RUNX1: variants seen among roughly 807,000 people sequenced by gnomAD.
The protein encoded by RUNX1 is runt-related transcription factor 1.
Under a neutral mutation model 42.8 loss-of-function variants are expected in RUNX1, and 19 were observed. The ratio of observed to expected loss-of-function variants is 0.44; its 90% CI spans 0.31 to 0.65. The LOEUF is 0.65. RUNX1 is among the 30% of genes least tolerant of loss of function. The probability of loss-of-function intolerance (pLI) is 0.07; values close to 1 mark genes in which losing one functional copy is unlikely to be tolerated. For synonymous variants in RUNX1, 271 were observed against 289.4 expected (o/e 0.94, Z 0.64); for missense variants, 528 against 672.0 (o/e 0.79, Z 2.37).
chr21:34,827,715 T>C (rs1408905095), intron 7 of RUNX1, among the ~76,000 whole-genome samples: 1 of 152,144 alleles, frequency 6.6e-6, no homozygotes, highest in Non-Finnish European at 1.5e-5. Flanking sequence ...CAGCTGTGGC[T>C]TCAGTGGGCC....
intron 2 of RUNX1, among the ~76,000 whole-genome samples, chr21:35,028,423 T>C (rs1047246332): frequency 1.3e-5 from 2 of 152,244 alleles, no homozygotes; most frequent in African/African-American, 4.8e-5. Flanking sequence ...AGTGACTTCC[T>C]CACTGCCCTC....
intron 7 of RUNX1, among the ~76,000 whole-genome samples, chr21:34,806,938 T>C (rs1333789133): frequency 2.6e-5 from 4 of 152,050 alleles, no homozygotes; most frequent in Non-Finnish European, 4.4e-5. Context: ...ATACAACTTA[T>C]TACAATTTTT....
At chr21:35,016,734 G>T (rs1444554375) in intron 2 of RUNX1, among the ~76,000 whole-genome samples, 1 of 152,116 alleles carries the variant, frequency 6.6e-6, no homozygotes, top group East Asian at 1.9e-4. Flanking sequence ...AGACAGGAAT[G>T]CTGGGGACCT....
chr21:34,895,055 C>T (rs1021449491), intron 2 of RUNX1, among the ~76,000 whole-genome samples: 2 of 151,960 alleles, frequency 1.3e-5, no homozygotes, highest in Non-Finnish European at 2.9e-5. Flanking sequence ...TCACTTTTAT[C>T]CCCCCCGTCT....
Position 34,904,734 on chromosome 21 carries a change from G to A in RUNX1, c.59-11771C>T, listed in dbSNP as rs185502088. Among the ~76,000 whole-genome samples the A allele has an allele frequency of 2.3e-3, 345 of 152,196 alleles. 2 individuals are homozygous for A. The highest frequency in any genetic ancestry group is 7.8e-3 in the African/African-American group (326 of 41,532). On this transcript the variant is annotated intron_variant, in intron 2 of 8. Transcript: ENST00000675419. Reference sequence around the variant, plus strand: ...GCACTTCTAGGTAAGTTCTCAAGGGGGGCCTGCAGCAAATATTTACATAAA... The same window carrying A: ...GCACTTCTAGGTAAGTTCTCAAGGGAGGCCTGCAGCAAATATTTACATAAA...
At chr21:34,887,926 A>C in intron 3 of RUNX1, 2 of 1,065,630 alleles carry the variant, frequency 1.9e-6, no homozygotes, top group Non-Finnish European at 2.3e-6. Context: ...CGTTTCAGAG[A>C]TCTTCAGCTA....
intron 2 of RUNX1, among the ~76,000 whole-genome samples, chr21:35,016,189 A>G (rs978463937): frequency 5.3e-5 from 8 of 152,186 alleles, no homozygotes; most frequent in African/African-American, 1.9e-4. Flanking sequence ...ATGGTTAGCT[A>G]TATTTCCACT....
chr21:34,979,639 G>A (rs930999764), intron 2 of RUNX1, among the ~76,000 whole-genome samples: 7 of 152,260 alleles, frequency 4.6e-5, no homozygotes, highest in South Asian at 2.1e-4. Flanking sequence ...TGTTACCAGC[G>A]AGGTACCTTT....
intron 3 of RUNX1, chr21:34,889,853 G>T: frequency 9.2e-7 from 1 of 1,092,692 alleles, no homozygotes. Flanking sequence ...GTCCCTCCAC[G>T]CCCTCCCTGC....
chr21:34,992,683 A>G (rs1258169475), intron 2 of RUNX1, among the ~76,000 whole-genome samples: 1 of 151,662 alleles, frequency 6.6e-6, no homozygotes, highest in Non-Finnish European at 1.5e-5. Flanking sequence ...ATAAAAAAAA[A>G]AAAAAGAAAA....
At chr21:34,793,433 A>C (rs1156228959) in intron 8 of RUNX1, among the ~76,000 whole-genome samples, 1 of 152,206 alleles carries the variant, frequency 6.6e-6, no homozygotes, top group Non-Finnish European at 1.5e-5. Context: ...AGGGTTGGCA[A>C]ACTGCAGCCT....
At chr21:34,956,292 T>C (rs1214339296) in intron 2 of RUNX1, among the ~76,000 whole-genome samples, 5 of 152,190 alleles carry the variant, frequency 3.3e-5, no homozygotes, top group Non-Finnish European at 7.3e-5. Context: ...ATACATTTTC[T>C]GGTTACAATA....
chr21:34,924,091 C>G (rs36100766), intron 2 of RUNX1, among the ~76,000 whole-genome samples: 2 of 12,490 alleles, frequency 1.6e-4, no homozygotes, highest in Non-Finnish European at 9.1e-4. Flanking sequence ...CAGTGACCCA[C>G]CCCCCGCCAT....
intron 6 of RUNX1, among the ~76,000 whole-genome samples, chr21:34,849,950 G>T (rs1791893256): frequency 6.6e-6 from 1 of 151,458 alleles, no homozygotes; most frequent in South Asian, 2.1e-4. Flanking sequence ...TATTTTGGTG[G>T]TAGTAGTGGA....
intron 2 of RUNX1, among the ~76,000 whole-genome samples, chr21:34,949,692 G>C (rs2058592581): frequency 6.6e-6 from 1 of 152,242 alleles, no homozygotes; most frequent in African/African-American, 2.4e-5. Flanking sequence ...GGCTGATAGA[G>C]GCTGTGCTAA....
intron 2 of RUNX1, among the ~76,000 whole-genome samples, chr21:35,020,487 A>G (rs1329046315): frequency 6.6e-6 from 1 of 152,166 alleles, no homozygotes; most frequent in Non-Finnish European, 1.5e-5. Flanking sequence ...CAAAGCAAGC[A>G]GAGGTGAGAT....
At chr21:34,998,956 C>T (rs138120481) in intron 2 of RUNX1, among the ~76,000 whole-genome samples, 1 of 152,232 alleles carries the variant, frequency 6.6e-6, no homozygotes, top group African/African-American at 2.4e-5. Flanking sequence ...TTTGAAGGAG[C>T]CAGCCTAGAC....
chr21:34,885,815 C>G (rs2057976299), intron 4 of RUNX1, among the ~76,000 whole-genome samples: 1 of 152,084 alleles, frequency 6.6e-6, no homozygotes, highest in Non-Finnish European at 1.5e-5. Context: ...TTTAAACGAA[C>G]AGGAAATGAC....
At chr21:34,838,841 C>T (rs1156245416) in intron 6 of RUNX1, among the ~76,000 whole-genome samples, 1 of 151,928 alleles carries the variant, frequency 6.6e-6, no homozygotes, top group African/African-American at 2.4e-5. Flanking sequence ...GCAAACCTAA[C>T]CATATGCTGG....
Sources: gnomAD v4.1 joint callset for allele counts (sites outside exome capture counted in the v4.1 genomes callset) on GRCh38, gnomAD v4.1.1 for gene constraint, MANE v1.5 for transcripts, NCBI Gene and HGNC (gene_info 2026-07-23, HGNC 2026-07-21) for gene names.